ZNF236: variants seen among roughly 807,000 people sequenced by gnomAD.
ZNF236 encodes regulated by glucose.
ZNF236 carries 50 observed loss-of-function variants against 191.2 expected under a neutral mutation model. The ratio of observed to expected loss-of-function variants is 0.26; its 90% CI spans 0.21 to 0.33. The LOEUF (loss-of-function observed/expected upper bound fraction) is 0.33, where lower values mean the gene tolerates loss of function less well. Among genes scored for constraint, ZNF236 ranks in the 10% least tolerant of loss-of-function variants. The pLI, the probability that ZNF236 is intolerant of heterozygous loss-of-function variation, is 1.00. For missense variants in ZNF236, 1,754 were observed against 2,374.5 expected (o/e 0.74, Z 5.43); for synonymous variants, 907 against 928.8 (o/e 0.98, Z 0.43).
chr18:76,850,893 C>A (rs1975842092), intron 2 of ZNF236, among the ~76,000 whole-genome samples: 1 of 151,728 alleles, frequency 6.6e-6, no homozygotes, highest in African/African-American at 2.4e-5. Context: ...TGTGAGCCAC[C>A]ACCCCCGGCC....
chr18:76,968,867 T>C lies in ZNF236; in HGVS notation c.*528T>C. The C allele has an allele frequency of 1.0e-6, 1 of 987,476 alleles. No individual in the cohort carries two copies. Among genetic ancestry groups the C allele is most frequent in the Non-Finnish European group, 1.2e-6 (1 of 831,446 alleles). The allele number at this position is 987,476 out of a possible 1,614,324, so 61.2% of individuals were successfully genotyped here. A position where few individuals can be genotyped will look rare whatever the true frequency, so the allele number is the denominator to read the frequency against. The stretch of plus-strand genomic sequence containing the variant: ...TTGAAAATTAGTCAAAATGGACTCT[T>C]TTCAGTCTACCATAAGTTAATATAA... On this transcript the variant is annotated 3_prime_UTR_variant, in exon 31 of 31. Coordinates refer to ENST00000320610, the MANE Select transcript of ZNF236 (RefSeq NM_001306089.2).
intron 14 of ZNF236, among the ~76,000 whole-genome samples, chr18:76,909,813 T>C (rs1967168414): frequency 6.6e-6 from 1 of 152,242 alleles, no homozygotes; most frequent in African/African-American, 2.4e-5. Context: ...TGGAATGTAA[T>C]AGCATTTTAG....
intron 1 of ZNF236, among the ~76,000 whole-genome samples, chr18:76,829,163 T>C (rs1975092598): frequency 6.6e-6 from 1 of 152,198 alleles, no homozygotes; most frequent in East Asian, 1.9e-4. Flanking sequence ...CAAGCCTTTA[T>C]GTTGTCTGTG....
chr18:76,824,306 T>C, intron 1 of ZNF236: 2 of 781,112 alleles, frequency 2.6e-6, no homozygotes, highest in Admixed American at 3.4e-5. Flanking sequence ...CACGTGCACA[T>C]TACGGAAACG....
chr18:76,841,439 C>G (rs1428170450), intron 1 of ZNF236, among the ~76,000 whole-genome samples: 1 of 151,638 alleles, frequency 6.6e-6, no homozygotes, highest in African/African-American at 2.4e-5. Context: ...TTAAGGACCA[C>G]TTAATGAGTT....
At chr18:76,835,736 G>A (rs182567308) in intron 1 of ZNF236, among the ~76,000 whole-genome samples, 45 of 152,166 alleles carry the variant, frequency 3.0e-4, no homozygotes, top group Middle Eastern at 6.8e-3. Flanking sequence ...ATGGCCTGAT[G>A]ATCTTTGTCT....
At position 76,919,900 on chromosome 18, in the gene ZNF236, C is replaced by T. The variant is rs932768725; in HGVS notation, c.3399C>T (p.Ser1133=). 18 of 1,614,052 alleles carry T rather than the reference C, an allele frequency of 1.1e-5. No individual in the cohort carries two copies. The highest frequency in any genetic ancestry group is 5.3e-5 in the African/African-American group (4 of 74,910). The part of the protein sequence containing the change: ...AQLAKIRPQE[S]ATVSEKVLVQ... ...TAGCCAAGATCCGGCCGCAGGAGAG[C>T]GCCACGGTGTCAGAGAAGGTCCTGG... Residue 1133 remains serine (S), a synonymous_variant, in exon 20 of 31, where the codon AGC becomes AGT. Transcript: ENST00000320610. The surrounding 1 kb of genome is among the most constrained non-coding windows in gnomAD (Gnocchi z 5.3).
chr18:76,938,732 C>T (rs947295344), intron 26 of ZNF236, among the ~76,000 whole-genome samples: 2 of 152,144 alleles, frequency 1.3e-5, no homozygotes, highest in Non-Finnish European at 2.9e-5. Context: ...AGGCGCACCG[C>T]ACGCCAGGGT....
intron 9 of ZNF236, among the ~76,000 whole-genome samples, chr18:76,890,472 C>T (rs1977197172): frequency 6.6e-6 from 1 of 152,178 alleles, no homozygotes. Context: ...AACAGTTACA[C>T]TTTCCTTTGG....
intron 1 of ZNF236, among the ~76,000 whole-genome samples, chr18:76,830,515 C>A (rs949198175): frequency 1.3e-5 from 2 of 152,102 alleles, no homozygotes; most frequent in African/African-American, 4.8e-5. Context: ...TCCGCAGGCT[C>A]GGTAGCACTT....
At chr18:76,843,803 A>AAAAAAAAAAAAAAAAAAGAAAAAAAG (rs71172383) in intron 1 of ZNF236, among the ~76,000 whole-genome samples, 1 of 62,080 alleles carries the variant, frequency 1.6e-5, no homozygotes, top group Non-Finnish European at 2.8e-5. Flanking sequence ...AAAAAAAAAA[A>AAAAAAAAAAAAAAAAAAGAAAAAAAG]AAGTAAAGAA....
chr18:76,922,788 C>A (rs1390538620), intron 20 of ZNF236, among the ~76,000 whole-genome samples: 1 of 152,140 alleles, frequency 6.6e-6, no homozygotes, highest in African/African-American at 2.4e-5. Context: ...AAATCCTGAC[C>A]TCAGGTGATC....
intron 25 of ZNF236, chr18:76,935,921 C>G: frequency 2.2e-6 from 1 of 455,040 alleles, no homozygotes; most frequent in South Asian, 1.6e-5. Flanking sequence ...TGTGGAGCCC[C>G]GGCGGCTGCT....
chr18:76,865,778 A>G (rs1191488090), intron 3 of ZNF236, among the ~76,000 whole-genome samples: 3 of 152,370 alleles, frequency 2.0e-5, no homozygotes, highest in East Asian at 3.8e-4. Context: ...AAAAAGTTAC[A>G]GTTAAAATGG....
rs1261947097 is a variant in ZNF236, at chr18:76,915,669, T to C, written c.3084T>C (p.Ser1028=). The C allele has an allele frequency of 6.2e-7, 1 of 1,614,078 alleles. No homozygotes were observed. Among genetic ancestry groups the C allele is most frequent in the Non-Finnish European group, 8.5e-7 (1 of 1,180,034 alleles). ...THTGVKAFSC[S]VCNASFTTNG... ...CAGGAGTGAAGGCGTTCAGCTGCAG[T>C]GTGTGCAATGCTTCCTTCACCACCA... Residue 1028 remains serine (S), a synonymous_variant, in exon 19 of 31, where the codon AGT becomes AGC. Transcript: ENST00000320610.
chr18:76,849,750 T>C (rs1451793722), intron 2 of ZNF236, 82 bp downstream of exon 2: 1 of 1,314,716 alleles, frequency 7.6e-7, no homozygotes, highest in African/African-American at 1.5e-5. Flanking sequence ...AAATCAAAAC[T>C]TTTAATTTAG....
chr18:76,921,958 C>T (rs765555578), intron 20 of ZNF236, among the ~76,000 whole-genome samples: 2 of 152,056 alleles, frequency 1.3e-5, no homozygotes, highest in Non-Finnish European at 2.9e-5. Flanking sequence ...GGGTGTCCTG[C>T]TCCCCAGAGA....
intron 26 of ZNF236, among the ~76,000 whole-genome samples, chr18:76,938,560 C>T (rs993783902): frequency 1.1e-4 from 16 of 152,218 alleles, no homozygotes; most frequent in African/African-American, 3.1e-4. Flanking sequence ...TCTAGTCCCT[C>T]GCATTGGTGA....
intron 26 of ZNF236, among the ~76,000 whole-genome samples, chr18:76,943,112 G>A (rs1394758257): frequency 9.6e-6 from 1 of 104,056 alleles, no homozygotes; most frequent in African/African-American, 3.7e-5. Flanking sequence ...GACAGAGTGA[G>A]ACTCCGTCTC....
Sources: allele counts gnomAD v4.1 joint callset (sites outside exome capture counted in the v4.1 genomes callset), GRCh38; gene constraint gnomAD v4.1.1; non-coding constraint Gnocchi (gnomAD v3.1); transcripts MANE v1.5; gene names NCBI Gene and HGNC (gene_info 2026-07-23, HGNC 2026-07-21).